The following ABHD18 variants were observed in gnomAD, a reference collection of about 807,000 sequenced individuals.
The protein encoded by ABHD18 is cardiolipin-specific deacylase, mitochondrial.
Under a neutral mutation model 65.9 loss-of-function variants are expected in ABHD18, and 55 were observed. The ratio of observed to expected loss-of-function variants is 0.84; its 90% confidence interval spans 0.67 to 1.05. ABHD18 has a LOEUF of 1.05. Among genes scored for constraint, ABHD18 ranks in the 50% least tolerant of loss-of-function variants. The probability of loss-of-function intolerance (pLI) is 0.00; values close to 1 mark genes in which losing one functional copy is unlikely to be tolerated. For synonymous variants in ABHD18, 181 were observed against 180.2 expected, an observed-to-expected ratio of 1.00 and a Z score of -0.04; for missense variants, 533 against 558.5, an observed-to-expected ratio of 0.95 and a Z score of 0.46.
At chr4:127,992,241 G>T (rs941749357) in intron 4 of ABHD18, among the ~76,000 whole-genome samples, 3 of 152,132 alleles carry the variant, frequency 2.0e-5, no homozygotes, top group Non-Finnish European at 2.9e-5. Context: ...GGAGGCCTAG[G>T]AGGGCGGATC....
At chr4:127,974,713 C>T (rs765800583) in intron 1 of ABHD18, among the ~76,000 whole-genome samples, 6 of 151,660 alleles carry the variant, frequency 4.0e-5, no homozygotes, top group Non-Finnish European at 7.4e-5. Flanking sequence ...TCTGGCTGGG[C>T]GCAGTGGCTC....
At chr4:127,979,373 G>C (rs1263527381) in intron 1 of ABHD18, among the ~76,000 whole-genome samples, 1 of 152,056 alleles carries the variant, frequency 6.6e-6, no homozygotes, top group African/African-American at 2.4e-5. Context: ...TGCTAACATG[G>C]TGAAACCCCG....
rs564855996 is a variant in ABHD18, at chr4:128,001,976, T to G, written c.279-6944T>G. ...TGTCTCCATTCTTTTATGAGAGTCC[T>G]GTTAGAAACATGTTGGAGCCAGGCA... On this transcript the variant is annotated intron_variant, in intron 4 of 12. Transcript: ENST00000645843. Among the ~76,000 whole-genome samples the G allele has an allele frequency of 2.6e-5, 4 of 152,266 alleles. No homozygotes were observed. The South Asian group carries it at 8.3e-4, about 32-fold the overall frequency.
chr4:128,037,436 G>C lies in ABHD18; in HGVS notation c.*1623G>C, dbSNP rs1354567962. ...GCTCACTGCGACCTCCGCCTCTCAG[G>C]TTCAAGCGGTTCTCCTGCCTCCACC... On this transcript the variant is annotated 3_prime_UTR_variant, in exon 13 of 13. Transcript: ENST00000645843. The C allele has an allele frequency of 6.6e-6, 1 of 151,610 alleles. No individual in the cohort carries two copies. Among genetic ancestry groups the C allele is most frequent in the Admixed American group, 6.6e-5 (1 of 15,190 alleles). The allele number at this position is 151,610 out of a possible 1,614,324, so 9.4% of individuals were successfully genotyped here.
intron 1 of ABHD18, among the ~76,000 whole-genome samples, chr4:127,975,631 G>C: frequency 6.6e-6 from 1 of 152,128 alleles, no homozygotes; most frequent in Non-Finnish European, 1.5e-5. Context: ...AAGTGAAGAA[G>C]CTTCTGCCAA....
At chr4:128,020,041 G>T (rs768847777) in intron 8 of ABHD18, 39 bp from the exon 9 acceptor site, 3 of 1,341,356 alleles carry the variant, frequency 2.2e-6, no homozygotes, top group Non-Finnish European at 3.1e-6. Flanking sequence ...TTAATGAATA[G>T]AAACTCTAAA....
intron 1 of ABHD18, among the ~76,000 whole-genome samples, chr4:127,976,784 G>A (rs118160676): frequency 0.03 from 4,620 of 152,176 alleles, 304 homozygotes; most frequent in East Asian, 0.27. Flanking sequence ...GCTCACGTCC[G>A]TAATCCCAGC....
At chr4:128,017,648 T>C in intron 8 of ABHD18, 147 bp downstream of exon 8, 1 of 646,428 alleles carries the variant, frequency 1.5e-6, no homozygotes, top group East Asian at 3.1e-5. Context: ...CTTACTCCAA[T>C]TATGAAGTAA....
intron 10 of ABHD18, 132 bp from the exon 11 acceptor site, chr4:128,028,343 G>A: frequency 1.0e-5 from 7 of 674,902 alleles, no homozygotes; most frequent in Non-Finnish European, 1.4e-5. Flanking sequence ...ATGTTTAATT[G>A]TTTGAATATA....
intron 12 of ABHD18, among the ~76,000 whole-genome samples, chr4:128,034,462 A>G (rs1758644805): frequency 1.3e-5 from 2 of 152,024 alleles, no homozygotes; most frequent in Admixed American, 6.6e-5. Flanking sequence ...AGTTCCAGAT[A>G]CTCAACAGGC....
intron 4 of ABHD18, among the ~76,000 whole-genome samples, chr4:127,990,127 A>T (rs1239492303): frequency 6.6e-6 from 1 of 152,216 alleles, no homozygotes; most frequent in African/African-American, 2.4e-5. Flanking sequence ...TGAAAGTTTA[A>T]GAAGATAATA....
intron 10 of ABHD18, among the ~76,000 whole-genome samples, chr4:128,023,415 A>G (rs1353820138): frequency 2.1e-5 from 3 of 146,154 alleles, no homozygotes; most frequent in Non-Finnish European, 3.0e-5. Flanking sequence ...AAAAAAAAAA[A>G]AAAAAAAAAA....
intron 10 of ABHD18, among the ~76,000 whole-genome samples, chr4:128,024,681 C>T (rs1757069395): frequency 6.6e-6 from 1 of 151,856 alleles, no homozygotes; most frequent in African/African-American, 2.4e-5. Flanking sequence ...TTTTCCTTGC[C>T]TTCAACCAAT....
rs114311598 is a variant in ABHD18, at chr4:128,003,394, A to T, written c.279-5526A>T. ...AAAAAAAAAAAAAATTAATCCAAAT[A>T]ATACAGATTCTGTTAAATTAAAATA... On this transcript the variant is annotated intron_variant, in intron 4 of 12. Transcript: ENST00000645843. Among the ~76,000 whole-genome samples the T allele has an allele frequency of 8.6e-3, 1,309 of 152,086 alleles. 22 individuals carry two copies. The highest frequency in any genetic ancestry group is 0.03 in the African/African-American group (1,225 of 41,492).
At position 128,003,175 on chromosome 4, in the gene ABHD18, T is replaced by A. The variant is rs547228069; in HGVS notation, c.279-5745T>A. Among the ~76,000 whole-genome samples the A allele has an allele frequency of 4.0e-5, 6 of 151,896 alleles. No individual in the cohort carries two copies. In the South Asian group the frequency reaches 1.0e-3, roughly 26 times the overall value. ...TGAGGTCAGGAGTTCGAGACCAGCCTGGCCAATATGGTGAAACCCCATCTC... is the reference window on the plus strand; with the variant it reads ...TGAGGTCAGGAGTTCGAGACCAGCCAGGCCAATATGGTGAAACCCCATCTC... On this transcript the variant is annotated intron_variant, in intron 4 of 12. Transcript: ENST00000645843.
intron 10 of ABHD18, among the ~76,000 whole-genome samples, chr4:128,027,643 A>T (rs1257485669): frequency 6.6e-6 from 1 of 151,828 alleles, no homozygotes; most frequent in East Asian, 1.9e-4. Context: ...TGACCTCGTG[A>T]TCCGCCTGCT....
chr4:128,039,720 G>A lies in ABHD18; in HGVS notation c.*3907G>A, dbSNP rs1452883386. 1 of 151,804 alleles carries A rather than the reference G, an allele frequency of 6.6e-6. No homozygotes were observed. The highest frequency in any genetic ancestry group is 2.4e-5 in the African/African-American group (1 of 41,314). The allele number at this position is 151,804 out of a possible 1,614,324, so 9.4% of individuals were successfully genotyped here. A position where few individuals can be genotyped will look rare whatever the true frequency, so the allele number is the denominator to read the frequency against. Reference sequence around the variant, plus strand: ...TCTATTTAAAAAGCTAATCATTTGTGCTTTTTTTCAAGAGGTATTATTGTA... The same window carrying A: ...TCTATTTAAAAAGCTAATCATTTGTACTTTTTTTCAAGAGGTATTATTGTA... On this transcript the variant is annotated 3_prime_UTR_variant, in exon 13 of 13. Coordinates refer to ENST00000645843, the MANE Select transcript of ABHD18 (RefSeq NM_001358451.3).
At chr4:128,001,028 A>G (rs1752553430) in intron 4 of ABHD18, among the ~76,000 whole-genome samples, 1 of 152,260 alleles carries the variant, frequency 6.6e-6, no homozygotes, top group African/African-American at 2.4e-5. Flanking sequence ...TAGTTCTAGG[A>G]GGCTTCTGGC....
At chr4:128,001,793 T>C (rs749156775) in intron 4 of ABHD18, 1 of 1,537,550 alleles carries the variant, frequency 6.5e-7, no homozygotes, top group African/African-American at 1.4e-5. Flanking sequence ...CTAGAAACTT[T>C]TGTGGTCTTT....
Sources: allele counts gnomAD v4.1 joint callset (sites outside exome capture counted in the v4.1 genomes callset), GRCh38; gene constraint gnomAD v4.1.1; transcripts MANE v1.5; gene names NCBI Gene and HGNC (gene_info 2026-07-23, HGNC 2026-07-21).